Variants in CD4 observed in about 807,000 individuals in gnomAD.
The protein encoded by CD4 is CD4 molecule, also known as T-cell surface glycoprotein CD4.
Under a neutral mutation model 50.5 loss-of-function variants are expected in CD4, and 25 were observed. That is an observed-to-expected ratio of 0.49 (90% CI 0.36 to 0.69). The LOEUF (loss-of-function observed/expected upper bound fraction) is 0.69. Among genes scored for constraint, CD4 ranks in the 30% least tolerant of loss-of-function variants. CD4 has a pLI of 0.00. For missense variants in CD4, 456 were observed against 548.5 expected, an observed-to-expected ratio of 0.83 and a Z score of 1.68; for synonymous variants, 207 against 221.9, an observed-to-expected ratio of 0.93 and a Z score of 0.60.
intron 2 of CD4, 23 bp downstream of exon 2, chr12:6,800,210 T>C (rs782429530): frequency 1.3e-6 from 2 of 1,561,390 alleles, no homozygotes; most frequent in African/African-American, 3.0e-5. Flanking sequence ...ACCTGGGGTC[T>C]CAATGCAGAT....
chr12:6,796,868 A>G (rs1233000342), intron 1 of CD4, among the ~76,000 whole-genome samples: 1 of 152,200 alleles, frequency 6.6e-6, no homozygotes, highest in African/African-American at 2.4e-5. Context: ...TTTACAGTCA[A>G]GCCTCAAAGG....
At chr12:6,809,262 G>A (rs782026093) in intron 3 of CD4, among the ~76,000 whole-genome samples, 4 of 152,160 alleles carry the variant, frequency 2.6e-5, no homozygotes, top group African/African-American at 4.8e-5. Context: ...TTGGGAGGCT[G>A]AGGCGGCTGG....
chr12:6,794,142 G>T (rs12320736), intron 1 of CD4, among the ~76,000 whole-genome samples: 25,213 of 150,062 alleles, frequency 0.17, 2,307 homozygotes, highest in East Asian at 0.36. Flanking sequence ...GCACGATCTC[G>T]GCTCACTGCA....
At chr12:6,789,922 G>C (rs954314048) in intron 1 of CD4, among the ~76,000 whole-genome samples, 7 of 152,214 alleles carry the variant, frequency 4.6e-5, no homozygotes, top group African/African-American at 1.7e-4. Context: ...CCTTAGAGGA[G>C]TAGTGACCTA....
intron 1 of CD4, among the ~76,000 whole-genome samples, chr12:6,796,542 T>C (rs554575510): frequency 7.9e-5 from 12 of 152,298 alleles, no homozygotes; most frequent in African/African-American, 2.9e-4. Context: ...GGTGCTATCT[T>C]GGTGCCTTTC....
chr12:6,805,184 CAAAAAAA>C (rs1190331748), intron 3 of CD4, among the ~76,000 whole-genome samples: 6 of 79,144 alleles, frequency 7.6e-5, no homozygotes, highest in East Asian at 3.5e-4. Flanking sequence ...GACCCTATCT[CAAAAAAA>C]AAAAAAAAAA....
chr12:6,814,104 G>T, intron 3 of CD4, 38 bp from the exon 4 acceptor site: 4 of 1,593,570 alleles, frequency 2.5e-6, no homozygotes, highest in Non-Finnish European at 3.4e-6. Context: ...CTGTCTCCAG[G>T]GCGCCTCAGT....
At chr12:6,801,547 T>G (rs1942549361) in intron 3 of CD4, among the ~76,000 whole-genome samples, 1 of 150,288 alleles carries the variant, frequency 6.7e-6, no homozygotes, top group African/African-American at 2.5e-5. Context: ...ANATTTATTA[T>G]TATTATTATT....
intron 1 of CD4, among the ~76,000 whole-genome samples, chr12:6,796,926 C>T (rs555350721): frequency 3.3e-5 from 5 of 152,328 alleles, no homozygotes. Flanking sequence ...CCCTCTCTTT[C>T]CTCCGAAGCC....
At chr12:6,794,863 C>T (rs1425049411) in intron 1 of CD4, among the ~76,000 whole-genome samples, 3 of 145,184 alleles carry the variant, frequency 2.1e-5, no homozygotes, top group Non-Finnish European at 4.5e-5. Context: ...CAGCTCACTG[C>T]TGAACCTCCG....
intron 1 of CD4, among the ~76,000 whole-genome samples, chr12:6,797,190 A>G (rs1380187951): frequency 1.3e-5 from 2 of 152,048 alleles, no homozygotes; most frequent in East Asian, 3.9e-4. Context: ...TCGCTCCTCT[A>G]ATCTACAGCT....
chr12:6,803,371 A>C (rs1407863063), intron 3 of CD4, among the ~76,000 whole-genome samples: 1 of 151,628 alleles, frequency 6.6e-6, no homozygotes, highest in Non-Finnish European at 1.5e-5. Flanking sequence ...GTGGTCTGGA[A>C]CTTCTACCCT....
At chr12:6,819,244 C>A in intron 9 of CD4, 55 bp from the exon 10 acceptor site, 1 of 1,591,068 alleles carries the variant, frequency 6.3e-7, no homozygotes, top group South Asian at 1.1e-5. Flanking sequence ...GGTGCTAGAA[C>A]GCAAAGGGGT....
At position 6,815,007 on chromosome 12, in the gene CD4, T is replaced by G. The variant is rs1038620467; in HGVS notation, c.607+15T>G. The G allele has an allele frequency of 1.0e-5, 16 of 1,564,092 alleles. No individual in the cohort carries two copies. Among genetic ancestry groups the G allele is most frequent in the Non-Finnish European group, 1.4e-5 (16 of 1,138,378 alleles). ...CGTGGTGCTAGGTAAGGGAAGCCCCTCTTCGCGCAGTCTCCTCCCTGCCCC... is the reference window on the plus strand; with the variant it reads ...CGTGGTGCTAGGTAAGGGAAGCCCCGCTTCGCGCAGTCTCCTCCCTGCCCC... On this transcript the variant is annotated intron_variant, in intron 5 of 9. Transcript: ENST00000011653.
chr12:6,810,035 G>A (rs914167514), intron 3 of CD4, among the ~76,000 whole-genome samples: 11 of 151,828 alleles, frequency 7.2e-5, no homozygotes, highest in East Asian at 1.9e-4. Context: ...GATTACAGGC[G>A]TGCACCACCA....
At position 6,818,954 on chromosome 12, in the gene CD4, G is replaced by A; in HGVS notation, c.1346+40G>A. 1 of 858,308 alleles carries A rather than the reference G, an allele frequency of 1.2e-6. No individual in the cohort carries two copies. The highest frequency in any genetic ancestry group is 1.9e-6 in the Non-Finnish European group (1 of 532,032). The allele number at this position is 858,308 out of a possible 1,614,324, so 53.2% of individuals were successfully genotyped here. A position where few individuals can be genotyped will look rare whatever the true frequency, so the allele number is the denominator to read the frequency against. ...GGAGGGGTTGAGAGAGGGGAAAGGG[G>A]GAGGGGGAGGGAGTTAGAGAGGAGG... is the stretch of plus-strand genomic sequence containing the variant. On this transcript the variant is annotated intron_variant, in intron 9 of 9. Coordinates refer to ENST00000011653, the MANE Select transcript of CD4 (RefSeq NM_000616.5). This position sits in a 1 kb window ranked among gnomAD's most constrained non-coding sequence, Gnocchi z 5.0.
intron 3 of CD4, 38 bp from the exon 4 acceptor site, chr12:6,814,104 G>C (rs200060973): frequency 1.3e-6 from 2 of 1,593,452 alleles, no homozygotes; most frequent in Non-Finnish European, 1.7e-6. Context: ...CTGTCTCCAG[G>C]GCGCCTCAGT....
At chr12:6,815,654 T>C (rs912690294) in intron 5 of CD4, 1 of 1,084,134 alleles carries the variant, frequency 9.2e-7, no homozygotes, top group Admixed American at 2.3e-5. Context: ...AGTTGAGGAC[T>C]GATATACGTA....
intron 3 of CD4, among the ~76,000 whole-genome samples, chr12:6,806,458 A>C (rs1214265876): frequency 6.6e-6 from 1 of 152,104 alleles, no homozygotes; most frequent in Non-Finnish European, 1.5e-5. Flanking sequence ...TTGCCTGGGC[A>C]ACAGAGCGAG....
Sources: allele counts gnomAD v4.1 joint callset (sites outside exome capture counted in the v4.1 genomes callset), GRCh38; gene constraint gnomAD v4.1.1; non-coding constraint Gnocchi (gnomAD v3.1); transcripts MANE v1.5; gene names NCBI Gene and HGNC (gene_info 2026-07-23, HGNC 2026-07-21).